The following HOMER2 variants were observed in gnomAD, a reference collection of about 807,000 sequenced individuals.
The protein encoded by HOMER2 is homer scaffold protein 2, also known as homer protein homolog 2.
HOMER2 carries 27 observed loss-of-function variants against 47.0 expected under a neutral mutation model. The observed-to-expected ratio is 0.57, with a 90% CI of 0.42 to 0.79. The LOEUF (loss-of-function observed/expected upper bound fraction) is 0.79, where lower values mean the gene tolerates loss of function less well. Among genes scored for constraint, HOMER2 ranks in the 30% least tolerant of loss-of-function variants. The pLI, the probability that HOMER2 is intolerant of heterozygous loss-of-function variation, is 0.00. For missense variants in HOMER2, 443 were observed against 435.0 expected, an observed-to-expected ratio of 1.02 and a Z score of -0.16; for synonymous variants, 161 against 163.8, an observed-to-expected ratio of 0.98 and a Z score of 0.13.
chr15:82,900,974 G>C (rs2053096089), intron 1 of HOMER2, among the ~76,000 whole-genome samples: 1 of 152,186 alleles, frequency 6.6e-6, no homozygotes, highest in Non-Finnish European at 1.5e-5. Context: ...AATGGATGAG[G>C]CAAGTGCCGC....
chr15:82,907,342 G>C (rs1186167094), intron 1 of HOMER2, among the ~76,000 whole-genome samples: 2 of 150,876 alleles, frequency 1.3e-5, no homozygotes, highest in African/African-American at 4.9e-5. Flanking sequence ...GGGCGACAGA[G>C]CCAGACCCTA....
rs1449463504 is a variant in HOMER2, at chr15:82,849,903, C to A, written c.844G>T (p.Ala282Ser). The part of the protein sequence containing the change: ...ECEYVSEKLE[A>S]AERDNQNLED... ...AGGTTTTGATTGTCTCTCTCTGCCG[C>A]CTGGCCAAGCAAAAGGGAGAAGGGT... Residue 282 changes from alanine (A) to serine (S), a missense_variant and splice_region_variant, in exon 9 of 9, where the codon GCG becomes TCG. Coordinates refer to ENST00000450735, the MANE Select transcript of HOMER2 (RefSeq NM_004839.4). The A allele has an allele frequency of 1.2e-6, 2 of 1,613,242 alleles. No homozygotes were observed. Among genetic ancestry groups the A allele is most frequent in the South Asian group, 2.2e-5 (2 of 91,006 alleles).
intron 1 of HOMER2, among the ~76,000 whole-genome samples, chr15:82,922,630 C>G (rs781534738): frequency 5.3e-5 from 8 of 152,110 alleles, no homozygotes; most frequent in Non-Finnish European, 1.0e-4. Context: ...GTGAAGGGAG[C>G]CTTTTTTTAT....
chr15:82,919,668 C>T lies in HOMER2; in HGVS notation c.6-26827G>A, dbSNP rs376632225. On this transcript the variant is annotated intron_variant, in intron 1 of 8. Transcript: ENST00000450735. ...TAACACAATAGAGTACTATGTAACC[C>T]TTTTAAAAAAGAACATTCTTATGAC... Among the ~76,000 whole-genome samples, 18 of 152,274 alleles carry T rather than the reference C, an allele frequency of 1.2e-4. No homozygotes were observed. In the East Asian group the frequency reaches 2.3e-3, roughly 20 times the overall value.
At chr15:82,844,123 G>T (rs2051207814), downstream of HOMER2, 1 of 152,200 alleles carries the variant, frequency 6.6e-6, no homozygotes, top group Non-Finnish European at 1.5e-5. Flanking sequence ...TTCAGTGTCT[G>T]TCTGGAGCTT....
intron 1 of HOMER2, among the ~76,000 whole-genome samples, chr15:82,973,617 T>A (rs775417040): frequency 7.2e-5 from 11 of 152,350 alleles, no homozygotes; most frequent in Admixed American, 1.3e-4. Context: ...TATTTTGGTT[T>A]GGAAAACAGT....
At chr15:82,860,524 G>C (rs1320753753) in intron 4 of HOMER2, among the ~76,000 whole-genome samples, 2 of 152,060 alleles carry the variant, frequency 1.3e-5, no homozygotes, top group East Asian at 3.9e-4. Flanking sequence ...TAAAGCTCTT[G>C]AAAATCAATA....
intron 1 of HOMER2, among the ~76,000 whole-genome samples, chr15:82,896,746 CA>C (rs1279249265): frequency 6.6e-5 from 10 of 152,166 alleles, no homozygotes; most frequent in African/African-American, 2.4e-4. Flanking sequence ...GCCAGTCTGG[CA>C]GGAAACTACC....
At chr15:82,928,401 T>C (rs560337010) in intron 1 of HOMER2, among the ~76,000 whole-genome samples, 5 of 152,356 alleles carry the variant, frequency 3.3e-5, no homozygotes, top group African/African-American at 9.6e-5. Context: ...CTTTACCTGT[T>C]ACCAAGAACA....
At chr15:82,942,512 C>G (rs1478238529) in intron 1 of HOMER2, among the ~76,000 whole-genome samples, 1 of 152,218 alleles carries the variant, frequency 6.6e-6, no homozygotes, top group Non-Finnish European at 1.5e-5. Flanking sequence ...AACTTCTCCA[C>G]TAGCCTGTAA....
rs1263946173 is a variant in HOMER2, at chr15:82,945,885, G to A, written c.5+6646C>T. Among the ~76,000 whole-genome samples the A allele has an allele frequency of 2.0e-5, 3 of 151,922 alleles. No homozygotes were observed. The East Asian group carries it at 5.8e-4, about 29-fold the overall frequency. On this transcript the variant is annotated intron_variant, in intron 1 of 8. Coordinates refer to ENST00000450735, the MANE Select transcript of HOMER2 (RefSeq NM_004839.4). The stretch of plus-strand genomic sequence containing the variant: ...CTCGGGAGGCTAAGGTAGGAGAATC[G>A]CTTGAACCCAAGAGGCGGAGGTTGC...
At chr15:82,854,007 G>C (rs2051484522) in intron 6 of HOMER2, among the ~76,000 whole-genome samples, 1 of 152,184 alleles carries the variant, frequency 6.6e-6, no homozygotes, top group Admixed American at 6.5e-5. Flanking sequence ...GAGGGTCACT[G>C]AACCACAGAA....
intron 1 of HOMER2, among the ~76,000 whole-genome samples, chr15:82,923,003 C>G (rs1047385278): frequency 6.6e-6 from 1 of 152,128 alleles, no homozygotes; most frequent in Non-Finnish European, 1.5e-5. Context: ...ATCAGAGGCA[C>G]GTGGCTCCAA....
At position 82,849,679 on chromosome 15, in the gene HOMER2, T is replaced by G; in HGVS notation, c.*36A>C. On this transcript the variant is annotated 3_prime_UTR_variant, in exon 9 of 9. Transcript: ENST00000450735. Reference sequence around the variant, plus strand: ...AGCTATCTGGTCTCGCACACACGCTTGGGACTCACGGGCGGGGCCTGGGCC... The same window carrying G: ...AGCTATCTGGTCTCGCACACACGCTGGGGACTCACGGGCGGGGCCTGGGCC... The G allele has an allele frequency of 6.3e-7, 1 of 1,588,880 alleles. No individual in the cohort carries two copies. Among genetic ancestry groups the G allele is most frequent in the Non-Finnish European group, 8.6e-7 (1 of 1,165,080 alleles).
intron 1 of HOMER2, among the ~76,000 whole-genome samples, chr15:82,977,758 GA>G (rs2151261881): frequency 6.6e-6 from 1 of 152,282 alleles, no homozygotes; most frequent in South Asian, 2.1e-4. Flanking sequence ...GGGAGTCCAG[GA>G]AACAAATGTG....
At chr15:82,867,466 G>A (rs927158827) in intron 3 of HOMER2, among the ~76,000 whole-genome samples, 2 of 151,818 alleles carry the variant, frequency 1.3e-5, no homozygotes, top group South Asian at 2.1e-4. Flanking sequence ...TCTTTAGTAT[G>A]GCAAGAGTTT....
At chr15:82,926,102 A>G (rs1450128220) in intron 1 of HOMER2, 1 of 152,252 alleles carries the variant, frequency 6.6e-6, no homozygotes, top group East Asian at 1.9e-4. Flanking sequence ...CATGTCATAT[A>G]TCCCACTCCC....
chr15:82,963,445 A>T (rs1403954692), intron 1 of HOMER2, among the ~76,000 whole-genome samples: 2 of 152,146 alleles, frequency 1.3e-5, no homozygotes. Context: ...CAGGCTAAAA[A>T]ATTAGCTGAT....
At chr15:82,964,772 AAAAAC>A (rs1246197624) in intron 1 of HOMER2, among the ~76,000 whole-genome samples, 3 of 152,168 alleles carry the variant, frequency 2.0e-5, no homozygotes, top group African/African-American at 7.2e-5. Flanking sequence ...TCCATCTCAA[AAAAAC>A]AAAACAAAAC....
Sources: allele counts gnomAD v4.1 joint callset (sites outside exome capture counted in the v4.1 genomes callset), GRCh38; gene constraint gnomAD v4.1.1; transcripts MANE v1.5; gene names NCBI Gene and HGNC (gene_info 2026-07-23, HGNC 2026-07-21).